STPG2: variants seen among roughly 807,000 people sequenced by gnomAD.
The protein encoded by STPG2 is sperm-tail PG-rich repeat-containing protein 2.
A neutral mutation model predicts 54.2 loss-of-function variants in STPG2; 56 were observed. The ratio of observed to expected loss-of-function variants is 1.03; its 90% CI spans 0.83 to 1.29. The LOEUF (loss-of-function observed/expected upper bound fraction) is 1.29. Ranked by LOEUF, STPG2 falls within the 50% of genes most tolerant of loss-of-function variation. The pLI, the probability that STPG2 is intolerant of heterozygous loss-of-function variation, is 0.00. For missense variants in STPG2, 596 were observed against 544.9 expected, an observed-to-expected ratio of 1.09 and a Z score of -0.93; for synonymous variants, 200 against 181.8, an observed-to-expected ratio of 1.10 and a Z score of -0.81.
At chr4:97,516,315 G>T (rs1731074024) in intron 4 of STPG2, among the ~76,000 whole-genome samples, 1 of 151,994 alleles carries the variant, frequency 6.6e-6, no homozygotes, top group Non-Finnish European at 1.5e-5. Context: ...TAAGGTTAAA[G>T]GTAACCTAGG....
At chr4:97,803,190 C>A (rs527667889) in intron 9 of STPG2, among the ~76,000 whole-genome samples, 8 of 152,208 alleles carry the variant, frequency 5.3e-5, no homozygotes, top group African/African-American at 1.9e-4. Flanking sequence ...CCACCATCCT[C>A]CAAAATATAT....
At chr4:97,934,760 A>C (rs1732686769) in intron 8 of STPG2, among the ~76,000 whole-genome samples, 1 of 152,070 alleles carries the variant, frequency 6.6e-6, no homozygotes, top group Non-Finnish European at 1.5e-5. Flanking sequence ...TGGTTTGCCA[A>C]TATTTTATTG....
chr4:97,834,404 T>C (rs1728571121), intron 9 of STPG2, among the ~76,000 whole-genome samples: 1 of 152,084 alleles, frequency 6.6e-6, no homozygotes, highest in East Asian at 1.9e-4. Context: ...AAATACCTAA[T>C]GTAGATGAAG....
downstream of STPG2, among the ~76,000 whole-genome samples, chr4:97,557,117 G>T (rs2148871112): frequency 6.6e-6 from 1 of 152,158 alleles, no homozygotes; most frequent in South Asian, 2.1e-4. Flanking sequence ...GGAGGCGGAG[G>T]TTGCAGTGAG....
chr4:97,733,599 T>A (rs1724876633), intron 9 of STPG2, among the ~76,000 whole-genome samples: 1 of 152,100 alleles, frequency 6.6e-6, no homozygotes, highest in African/African-American at 2.4e-5. Flanking sequence ...AAAATTAATT[T>A]AACAAAATGT....
At chr4:97,812,948 C>T (rs1007892253) in intron 9 of STPG2, among the ~76,000 whole-genome samples, 1 of 152,262 alleles carries the variant, frequency 6.6e-6, no homozygotes, top group Middle Eastern at 3.4e-3. Flanking sequence ...CACCAGTTGT[C>T]GCTATCTTAA....
chr4:97,913,857 G>A (rs1424414709), intron 8 of STPG2, among the ~76,000 whole-genome samples: 2 of 152,058 alleles, frequency 1.3e-5, no homozygotes, highest in African/African-American at 2.4e-5. Flanking sequence ...AAATTTAAAT[G>A]AGCAAGTTGA....
At chr4:97,971,267 A>G (rs1734314908) in intron 7 of STPG2, among the ~76,000 whole-genome samples, 1 of 152,226 alleles carries the variant, frequency 6.6e-6, no homozygotes, top group Non-Finnish European at 1.5e-5. Context: ...ATCTAGAACT[A>G]GAAATACCAT....
chr4:98,097,865 T>C (rs1738907501), intron 5 of STPG2, among the ~76,000 whole-genome samples: 1 of 152,018 alleles, frequency 6.6e-6, no homozygotes, highest in Non-Finnish European at 1.5e-5. Flanking sequence ...AGTAATCCCA[T>C]TTACAATAGC....
At chr4:97,627,349 C>T (rs1227202857) in intron 10 of STPG2, among the ~76,000 whole-genome samples, 1 of 152,000 alleles carries the variant, frequency 6.6e-6, no homozygotes, top group Non-Finnish European at 1.5e-5. Context: ...ATATGGAATT[C>T]TAAAAATATA....
At chr4:97,446,357 T>C (rs2148794383) in intron 4 of STPG2, among the ~76,000 whole-genome samples, 1 of 152,332 alleles carries the variant, frequency 6.6e-6, no homozygotes, top group Middle Eastern at 3.4e-3. Context: ...AATCTGTTAA[T>C]TACACCTTGG....
At chr4:97,764,802 C>T (rs973635110) in intron 9 of STPG2, among the ~76,000 whole-genome samples, 6 of 151,976 alleles carry the variant, frequency 3.9e-5, no homozygotes, top group African/African-American at 1.4e-4. Flanking sequence ...ATATGATGGA[C>T]AGAATCTAAA....
At chr4:97,465,564 G>A (rs540806870) in intron 4 of STPG2, among the ~76,000 whole-genome samples, 4 of 151,936 alleles carry the variant, frequency 2.6e-5, no homozygotes, top group South Asian at 2.1e-4. Flanking sequence ...ATCTTATACA[G>A]TATTCTCTTG....
intron 3 of STPG2, among the ~76,000 whole-genome samples, chr4:98,119,892 T>C (rs1739628870): frequency 6.6e-6 from 1 of 152,168 alleles, no homozygotes; most frequent in East Asian, 1.9e-4. Context: ...GCTCCATCCA[T>C]GTCCCTGCAA....
intron 5 of STPG2, among the ~76,000 whole-genome samples, chr4:98,057,175 C>G (rs1180963944): frequency 6.6e-6 from 1 of 152,162 alleles, no homozygotes; most frequent in Admixed American, 6.5e-5. Context: ...CATCACCTCT[C>G]CAGCAAGGAT....
intron 10 of STPG2, among the ~76,000 whole-genome samples, chr4:97,613,782 A>G (rs1186090411): frequency 6.6e-6 from 1 of 151,898 alleles, no homozygotes; most frequent in Non-Finnish European, 1.5e-5. Context: ...GACCATTTAG[A>G]TGCTTCTATC....
At chr4:97,590,635 A>G (rs1733118103) in intron 10 of STPG2, among the ~76,000 whole-genome samples, 1 of 107,212 alleles carries the variant, frequency 9.3e-6, no homozygotes, top group African/African-American at 5.7e-5. Flanking sequence ...ACACAGACAC[A>G]CAGACACACA....
intron 8 of STPG2, among the ~76,000 whole-genome samples, chr4:97,941,746 A>G (rs1210276935): frequency 6.6e-6 from 1 of 152,024 alleles, no homozygotes; most frequent in Non-Finnish European, 1.5e-5. Context: ...CCATTACTTT[A>G]TACATTTGAG....
chr4:97,981,400 A>T lies in STPG2; in HGVS notation c.613-82T>A, dbSNP rs541980864. The stretch of plus-strand genomic sequence containing the variant: ...ATGAGTTAAAACCTGCCTTTTGAGT[A>T]ATATAACATCTGGAGTTAATTTATT... On this transcript the variant is annotated intron_variant, in intron 5 of 10. Coordinates refer to ENST00000295268, the MANE Select transcript of STPG2 (RefSeq NM_174952.3). The T allele has an allele frequency of 4.4e-6, 6 of 1,367,904 alleles. No homozygotes were observed. The African/African-American group carries it at 8.7e-5, about 20-fold the overall frequency. 84.7% of individuals were successfully genotyped at this position (1,367,904 alleles called of 1,614,324 possible). A position where few individuals can be genotyped will look rare whatever the true frequency, so the allele number is the denominator to read the frequency against.
Sources: gnomAD v4.1 joint callset for allele counts (sites outside exome capture counted in the v4.1 genomes callset) on GRCh38, gnomAD v4.1.1 for gene constraint, MANE v1.5 for transcripts, NCBI Gene and HGNC (gene_info 2026-07-23, HGNC 2026-07-21) for gene names.